The following KIAA1671 variants were observed in gnomAD, a reference collection of about 807,000 sequenced individuals.
KIAA1671 encodes the protein KIAA1671.
A neutral mutation model predicts 131.2 loss-of-function variants in KIAA1671; 52 were observed. The observed-to-expected ratio is 0.40, with a 90% CI of 0.32 to 0.50. The LOEUF (loss-of-function observed/expected upper bound fraction) is 0.50, where lower values mean the gene tolerates loss of function less well. Among genes scored for constraint, KIAA1671 ranks in the 20% least tolerant of loss-of-function variants. KIAA1671 has a pLI of 0.73. For missense variants in KIAA1671, 2,360 were observed against 2,364.2 expected (o/e 1.00, Z 0.04); for synonymous variants, 1,003 against 961.6 (o/e 1.04, Z -0.80).
At chr22:25,188,674 A>G (rs1934559328) in intron 11 of KIAA1671, among the ~76,000 whole-genome samples, 1 of 152,192 alleles carries the variant, frequency 6.6e-6, no homozygotes, top group Non-Finnish European at 1.5e-5. Flanking sequence ...ATATATTCTT[A>G]CAATAAAGTA....
At chr22:25,055,611 A>T (rs1366513739) in intron 6 of KIAA1671, 3 of 149,682 alleles carry the variant, frequency 2.0e-5, no homozygotes, top group Non-Finnish European at 4.5e-5. Flanking sequence ...GCTCATTGAG[A>T]TATTTATTTT....
intron 1 of KIAA1671, among the ~76,000 whole-genome samples, chr22:24,957,548 T>C (rs1379633049): frequency 6.6e-6 from 1 of 152,160 alleles, no homozygotes; most frequent in African/African-American, 2.4e-5. Context: ...AGATAAGCCA[T>C]GTCCCCCCGG....
intron 6 of KIAA1671, 117 bp from the exon 7 acceptor site, chr22:25,170,703 C>A (rs1052994199): frequency 1.2e-5 from 11 of 933,784 alleles, no homozygotes; most frequent in Admixed American, 2.1e-5. Flanking sequence ...AGGAAGGCAG[C>A]GGGTTGCTGG....
At chr22:25,116,425 A>G (rs1601329323) in intron 6 of KIAA1671, among the ~76,000 whole-genome samples, 1 of 150,268 alleles carries the variant, frequency 6.7e-6, no homozygotes, top group African/African-American at 2.5e-5. Flanking sequence ...GTATGTATGT[A>G]TGTATGTACG....
intron 1 of KIAA1671, among the ~76,000 whole-genome samples, chr22:24,989,078 C>CT (rs911874724): frequency 6.6e-6 from 1 of 152,126 alleles, no homozygotes; most frequent in African/African-American, 2.4e-5. Context: ...TTGAATCAAT[C>CT]TTTTTTCAAG....
At chr22:25,134,236 G>A (rs1932574440) in intron 6 of KIAA1671, among the ~76,000 whole-genome samples, 1 of 152,206 alleles carries the variant, frequency 6.6e-6, no homozygotes, top group Non-Finnish European at 1.5e-5. Flanking sequence ...AATCCATAGA[G>A]TTTAATTAAT....
At chr22:25,055,281 C>T (rs1927774368) in intron 6 of KIAA1671, 1 of 149,910 alleles carries the variant, frequency 6.7e-6, no homozygotes, top group South Asian at 2.3e-4. Context: ...TGAGGTGGCC[C>T]CCGCCCAAGA....
intron 1 of KIAA1671, among the ~76,000 whole-genome samples, chr22:24,999,289 C>A (rs1924308477): frequency 6.6e-6 from 1 of 152,182 alleles, no homozygotes; most frequent in South Asian, 2.1e-4. Flanking sequence ...GGCTGGAGTG[C>A]ACTGGCGCAA....
At chr22:25,049,194 C>T (rs1927401121) in intron 5 of KIAA1671, 36 bp from the exon 6 acceptor site, 2 of 1,536,156 alleles carry the variant, frequency 1.3e-6, no homozygotes, top group Non-Finnish European at 1.8e-6. Context: ...TGAGAAGGCT[C>T]CCAGTAAAGT....
Position 25,040,830 on chromosome 22 carries a change from C to G in KIAA1671, c.3700C>G (p.Arg1234Gly). 1.9e-6 allele frequency: 3 copies of G among 1,551,408 alleles called. No homozygotes were observed. Among genetic ancestry groups the G allele is most frequent in the Non-Finnish European group, 2.6e-6 (3 of 1,146,794 alleles). Residue 1234 changes from arginine (R) to glycine (G), a missense_variant, in exon 5 of 13, where the codon CGG (arginine) becomes GGG (glycine). This residue lies in a region of KIAA1671 where 1,161 missense variants were observed against 1,204.7 expected (regional missense o/e 0.96). Coordinates refer to ENST00000358431, the MANE Select transcript of KIAA1671 (RefSeq NM_001145206.2). The stretch of plus-strand genomic sequence containing the variant: ...CACCGTGGAGCCCAGTACGTTGCCT[C>G]GGGAGAGGCCTGTTCAGCTGGGCGG... The part of the protein sequence containing the change: ...SPTVEPSTLP[R>G]ERPVQLGGVE...
intron 8 of KIAA1671, 57 bp downstream of exon 8, chr22:25,174,546 G>A: frequency 6.8e-7 from 1 of 1,467,592 alleles, no homozygotes. Context: ...CTCTCTCTGT[G>A]AATTGCCACT....
intron 6 of KIAA1671, among the ~76,000 whole-genome samples, chr22:25,138,567 C>G (rs905354753): frequency 6.6e-6 from 1 of 152,180 alleles, no homozygotes. Context: ...GCTCTTGTTG[C>G]TTAGATTGAT....
At chr22:25,093,887 C>CTTCTG (rs2145885146) in intron 6 of KIAA1671, among the ~76,000 whole-genome samples, 2 of 28,314 alleles carry the variant, frequency 7.1e-5, no homozygotes, top group South Asian at 2.3e-3. Context: ...TCTCTCTCTC[C>CTTCTG]CTTCTGCTTC....
At chr22:25,166,422 C>T (rs772412322) in intron 6 of KIAA1671, among the ~76,000 whole-genome samples, 18 of 152,170 alleles carry the variant, frequency 1.2e-4, no homozygotes, top group Non-Finnish European at 2.1e-4. Context: ...CCAGGGCCAT[C>T]CGCAAGAGGT....
intron 1 of KIAA1671, chr22:25,011,953 A>G (rs1925066063): frequency 6.6e-6 from 1 of 152,120 alleles, no homozygotes; most frequent in South Asian, 2.1e-4. Flanking sequence ...TAACTGTTTT[A>G]TTAGCAAAGT....
intron 1 of KIAA1671, among the ~76,000 whole-genome samples, chr22:24,960,850 C>A (rs1308453770): frequency 6.6e-6 from 1 of 151,976 alleles, no homozygotes; most frequent in South Asian, 2.1e-4. Context: ...CACACTCTTA[C>A]CACAGCTGTG....
intron 6 of KIAA1671, among the ~76,000 whole-genome samples, chr22:25,096,205 TC>T (rs1303321091): frequency 6.6e-6 from 1 of 152,208 alleles, no homozygotes; most frequent in Non-Finnish European, 1.5e-5. Context: ...ACACACCAAC[TC>T]TAGCATCTCA....
At position 25,039,759 on chromosome 22, in the gene KIAA1671, G is replaced by A. The variant is rs1434234139; in HGVS notation, c.2629G>A (p.Gly877Ser). 4.0e-6 allele frequency: 6 copies of A among 1,496,452 alleles called. No homozygotes were observed. The highest frequency in any genetic ancestry group is 1.8e-4 in the Middle Eastern group (1 of 5,690). 92.7% of individuals were successfully genotyped at this position (1,496,452 alleles called of 1,614,324 possible). A position where few individuals can be genotyped will look rare whatever the true frequency, so the allele number is the denominator to read the frequency against. ...ARSKPGVGAR[G>S]PPQGCPLDPL... Reference sequence around the variant, plus strand: ...AAGCAAGCCAGGAGTGGGAGCAAGGGGCCCACCCCAGGGATGCCCCCTCGA... The same window carrying A: ...AAGCAAGCCAGGAGTGGGAGCAAGGAGCCCACCCCAGGGATGCCCCCTCGA... The change falls in exon 5 of 13, where the codon GGC becomes AGC. Residue 877 changes from glycine to serine, a missense_variant. Coordinates refer to ENST00000358431, the MANE Select transcript of KIAA1671 (RefSeq NM_001145206.2).
intron 9 of KIAA1671, 28 bp downstream of exon 9, chr22:25,177,550 A>G (rs1320094332): frequency 1.3e-6 from 2 of 1,531,532 alleles, no homozygotes; most frequent in African/African-American, 1.4e-5. Flanking sequence ...TCCTCCTCAG[A>G]TAGCACATTG....
Sources: gnomAD v4.1 joint callset for allele counts (sites outside exome capture counted in the v4.1 genomes callset) on GRCh38, gnomAD v4.1.1 for gene constraint, gnomAD v4.1.1 regional missense constraint, MANE v1.5 for transcripts, NCBI Gene and HGNC (gene_info 2026-07-23, HGNC 2026-07-21) for gene names.